Variants in LYN observed in about 807,000 individuals in gnomAD.
LYN encodes the protein LYN proto-oncogene, Src family tyrosine kinase.
LYN carries 12 observed loss-of-function variants against 65.0 expected under a neutral mutation model. The observed-to-expected ratio is 0.18, with a 90% CI of 0.12 to 0.30. The LOEUF (loss-of-function observed/expected upper bound fraction) is 0.30. Among genes scored for constraint, LYN ranks in the 10% least tolerant of loss-of-function variants. The pLI is 1.00. For missense variants in LYN, 380 were observed against 623.2 expected, an observed-to-expected ratio of 0.61 and a Z score of 4.16; for synonymous variants, 222 against 221.2, an observed-to-expected ratio of 1.00 and a Z score of -0.03.
At chr8:55,906,386 G>A (rs879266615) in intron 1 of LYN, among the ~76,000 whole-genome samples, 4 of 151,826 alleles carry the variant, frequency 2.6e-5, no homozygotes, top group East Asian at 1.9e-4. Flanking sequence ...TCAATCTGTC[G>A]CCCAGACTGG....
chr8:55,897,526 A>G (rs1029776215), intron 1 of LYN, among the ~76,000 whole-genome samples: 1 of 152,128 alleles, frequency 6.6e-6, no homozygotes, highest in African/African-American at 2.4e-5. Flanking sequence ...TTTCTCCTCC[A>G]TTTTAACAGA....
At chr8:55,973,143 C>A (rs940846467) in intron 10 of LYN, among the ~76,000 whole-genome samples, 7 of 152,180 alleles carry the variant, frequency 4.6e-5, no homozygotes, top group African/African-American at 1.7e-4. Context: ...CCGCTCCCCA[C>A]TACCCACTTC....
At chr8:55,966,931 G>C (rs1563317496) in intron 9 of LYN, 34 bp downstream of exon 9, 3 of 1,586,566 alleles carry the variant, frequency 1.9e-6, no homozygotes, top group Admixed American at 3.6e-5. Context: ...GCTTGCAAGG[G>C]CTTCAAACTC....
chr8:55,997,403 A>C (rs1231937192), intron 10 of LYN, among the ~76,000 whole-genome samples: 1 of 152,126 alleles, frequency 6.6e-6, no homozygotes, highest in Non-Finnish European at 1.5e-5. Flanking sequence ...TTTATTTCCC[A>C]CAGTTTAGGG....
chr8:55,969,649 T>TAGTAATA, intron 9 of LYN, 68 bp from the exon 10 acceptor site: 1 of 1,119,874 alleles, frequency 8.9e-7, no homozygotes, highest in Non-Finnish European at 1.4e-6. Flanking sequence ...GTAATGATGA[T>TAGTAATA]GTGAATTTTG....
intron 10 of LYN, among the ~76,000 whole-genome samples, chr8:55,990,469 G>A (rs1032601522): frequency 6.6e-6 from 1 of 152,120 alleles, no homozygotes; most frequent in Non-Finnish European, 1.5e-5. Flanking sequence ...CCTGGATCAG[G>A]AAAAGACTTG....
intron 10 of LYN, among the ~76,000 whole-genome samples, chr8:55,982,944 TC>T (rs1013652282): frequency 2.6e-5 from 4 of 151,934 alleles, no homozygotes; most frequent in Non-Finnish European, 4.4e-5. Context: ...CTACCGCCCC[TC>T]CGCTCCTGCT....
chr8:55,986,794 T>G (rs983814832), intron 10 of LYN, among the ~76,000 whole-genome samples: 1 of 152,296 alleles, frequency 6.6e-6, no homozygotes, highest in South Asian at 2.1e-4. Context: ...GATGTGATCA[T>G]ACCTCACTGC....
At chr8:55,908,542 G>A (rs1310069717) in intron 1 of LYN, among the ~76,000 whole-genome samples, 1 of 152,038 alleles carries the variant, frequency 6.6e-6, no homozygotes, top group Non-Finnish European at 1.5e-5. Context: ...ACCGTGCCAA[G>A]GCTGTTTAAA....
At chr8:55,887,408 C>T (rs1260789826) in intron 1 of LYN, among the ~76,000 whole-genome samples, 1 of 151,882 alleles carries the variant, frequency 6.6e-6, no homozygotes, top group Non-Finnish European at 1.5e-5. Flanking sequence ...ATACTAAGAT[C>T]TTAATAGTGA....
intron 1 of LYN, among the ~76,000 whole-genome samples, chr8:55,904,786 C>T (rs1226869316): frequency 6.6e-6 from 1 of 152,050 alleles, no homozygotes; most frequent in Non-Finnish European, 1.5e-5. Context: ...AAAAGGTTTC[C>T]ATTGCTATGA....
intron 7 of LYN, among the ~76,000 whole-genome samples, chr8:55,952,528 C>A (rs1270535278): frequency 6.6e-6 from 1 of 152,210 alleles, no homozygotes; most frequent in East Asian, 1.9e-4. Flanking sequence ...CCACTGCACT[C>A]CAGCCTGGGT....
At chr8:55,937,005 T>C (rs1436809944) in intron 1 of LYN, among the ~76,000 whole-genome samples, 3 of 152,196 alleles carry the variant, frequency 2.0e-5, no homozygotes, top group Non-Finnish European at 4.4e-5. Context: ...CTGACCCTCA[T>C]AGACATTTAT....
chr8:55,959,022 A>T (rs1218172079), intron 8 of LYN, among the ~76,000 whole-genome samples: 3 of 152,178 alleles, frequency 2.0e-5, no homozygotes, highest in Non-Finnish European at 4.4e-5. Context: ...TAAAATTTGG[A>T]GGAACTGCCG....
chr8:55,987,518 C>A (rs933227058), intron 10 of LYN, among the ~76,000 whole-genome samples: 1 of 152,124 alleles, frequency 6.6e-6, no homozygotes, highest in African/African-American at 2.4e-5. Context: ...ACCTCCGCTT[C>A]CTGGGTTCAA....
At chr8:55,986,926 C>T (rs553840932) in intron 10 of LYN, among the ~76,000 whole-genome samples, 31 of 152,230 alleles carry the variant, frequency 2.0e-4, no homozygotes, top group Admixed American at 8.5e-4. Flanking sequence ...GGTCTTGTTA[C>T]GTTGTCCAGG....
chr8:55,933,258 C>G (rs1245265174), intron 1 of LYN, among the ~76,000 whole-genome samples: 1 of 152,076 alleles, frequency 6.6e-6, no homozygotes, highest in Non-Finnish European at 1.5e-5. Flanking sequence ...TTAAAAGATA[C>G]CAATTTTGGT....
At chr8:55,917,174 TA>T (rs776843044) in intron 1 of LYN, among the ~76,000 whole-genome samples, 5,649 of 135,468 alleles carry the variant, frequency 0.042, 292 homozygotes, top group African/African-American at 0.12. Context: ...AGATTCTGTC[TA>T]AAAAAAAAAA....
At chr8:55,906,481 C>T (rs1475667792) in intron 1 of LYN, among the ~76,000 whole-genome samples, 1 of 151,990 alleles carries the variant, frequency 6.6e-6, no homozygotes, top group East Asian at 1.9e-4. Context: ...TTCAGCCTCC[C>T]AAGTAGCTGG....
Sources: gnomAD v4.1 joint callset for allele counts (sites outside exome capture counted in the v4.1 genomes callset) on GRCh38, gnomAD v4.1.1 for gene constraint, MANE v1.5 for transcripts, NCBI Gene and HGNC (gene_info 2026-07-23, HGNC 2026-07-21) for gene names.